The following TP63 variants were observed in gnomAD, a reference collection of about 807,000 sequenced individuals.
TP63 encodes the protein tumor protein p63, also known as tumor protein 63.
Under a neutral mutation model 82.8 loss-of-function variants are expected in TP63, and 17 were observed. The ratio of observed to expected loss-of-function variants is 0.21; its 90% CI spans 0.14 to 0.31. TP63 has a LOEUF of 0.31. Ranked by LOEUF, TP63 falls within the 10% of genes least tolerant of loss-of-function variation. The probability of loss-of-function intolerance (pLI) is 1.00; values close to 1 mark genes in which losing one functional copy is unlikely to be tolerated. For synonymous variants in TP63, 330 were observed against 321.7 expected, an observed-to-expected ratio of 1.03 and a Z score of -0.28; for missense variants, 648 against 895.3, an observed-to-expected ratio of 0.72 and a Z score of 3.52.
chr3:189,796,166 G>A (rs1488665396), intron 3 of TP63, among the ~76,000 whole-genome samples: 1 of 151,874 alleles, frequency 6.6e-6, no homozygotes, highest in African/African-American at 2.4e-5. Flanking sequence ...AGAGCAGAGG[G>A]AAATATGAAT....
chr3:189,692,868 G>A (rs1440442852), intron 1 of TP63, among the ~76,000 whole-genome samples: 1 of 152,114 alleles, frequency 6.6e-6, no homozygotes, highest in Admixed American at 6.5e-5. Context: ...GATCTAGCAT[G>A]GATTAAATCA....
chr3:189,637,969 A>G (rs74991129), intron 1 of TP63, among the ~76,000 whole-genome samples: 2,055 of 152,208 alleles, frequency 0.014, 25 homozygotes, highest in East Asian at 0.045. Context: ...GCTGGTTTTG[A>G]AAGTGGAAGT....
intron 1 of TP63, among the ~76,000 whole-genome samples, chr3:189,691,781 T>TTTTCTGTTGTTGTCCTTTGGG (rs1453278524): frequency 3.4e-4 from 52 of 152,320 alleles, no homozygotes; most frequent in Admixed American, 9.2e-4. Flanking sequence ...TCTCTTTTGT[T>TTTTCTGTTGTTGTCCTTTGGG]TTTCTGTTGT....
chr3:189,684,635 T>TC (rs1221508773), intron 1 of TP63, among the ~76,000 whole-genome samples: 7 of 148,732 alleles, frequency 4.7e-5, no homozygotes, highest in African/African-American at 1.5e-4. Context: ...TTTCTTTCTT[T>TC]TTTTTTTTTT....
intron 1 of TP63, among the ~76,000 whole-genome samples, chr3:189,714,025 A>G (rs2108758342): frequency 1.3e-5 from 2 of 152,276 alleles, no homozygotes; most frequent in South Asian, 4.1e-4. Context: ...CACATCTGAA[A>G]CCTAAAAGCA....
intron 12 of TP63, 97 bp downstream of exon 12, chr3:189,889,581 A>G (rs966900351): frequency 7.1e-6 from 11 of 1,539,414 alleles, no homozygotes; most frequent in Non-Finnish European, 9.9e-6. Flanking sequence ...TTGGAAGGGA[A>G]GACAGCAGTC....
At chr3:189,874,690 T>A (rs576204955) in intron 10 of TP63, among the ~76,000 whole-genome samples, 1 of 152,242 alleles carries the variant, frequency 6.6e-6, no homozygotes, top group Non-Finnish European at 1.5e-5. Flanking sequence ...GCTAATCATA[T>A]GGATGTTTTG....
intron 1 of TP63, among the ~76,000 whole-genome samples, chr3:189,683,141 G>A (rs1206138165): frequency 6.6e-6 from 1 of 151,934 alleles, no homozygotes; most frequent in African/African-American, 2.4e-5. Context: ...CTTATTTTGT[G>A]GCTCAAACTC....
At position 189,818,933 on chromosome 3, in the gene TP63, T is replaced by C. The variant is rs189729531; in HGVS notation, c.579+10407T>C. Among the ~76,000 whole-genome samples, 12 of 152,346 alleles carry C rather than the reference T, an allele frequency of 7.9e-5. No homozygotes were observed. In the South Asian group the frequency reaches 1.7e-3, roughly 21 times the overall value. On this transcript the variant is annotated intron_variant, in intron 4 of 13. Transcript: ENST00000264731. Reference sequence around the variant, plus strand: ...AAGGAATTTGAGAACATGATTTATGTGTTAGACCCAGAGTTTGTCTTTAAA... The same window carrying C: ...AAGGAATTTGAGAACATGATTTATGCGTTAGACCCAGAGTTTGTCTTTAAA...
intron 1 of TP63, among the ~76,000 whole-genome samples, chr3:189,690,883 A>T (rs2108718673): frequency 1.3e-5 from 2 of 152,290 alleles, no homozygotes; most frequent in South Asian, 4.1e-4. Context: ...TGTCCTGAAG[A>T]TGCTTTTTTG....
At chr3:189,841,097 T>C (rs912289428) in intron 4 of TP63, among the ~76,000 whole-genome samples, 4 of 152,158 alleles carry the variant, frequency 2.6e-5, no homozygotes, top group African/African-American at 9.7e-5. Flanking sequence ...AGTATAATGA[T>C]TTGAACACGG....
chr3:189,815,688 G>A (rs1279979426), intron 4 of TP63, among the ~76,000 whole-genome samples: 2 of 152,044 alleles, frequency 1.3e-5, no homozygotes, highest in African/African-American at 4.8e-5. Flanking sequence ...CCTGTGCAAG[G>A]TGTTAATGGT....
intron 4 of TP63, among the ~76,000 whole-genome samples, chr3:189,815,080 T>C (rs139544594): frequency 6.6e-5 from 10 of 152,272 alleles, no homozygotes; most frequent in African/African-American, 1.9e-4. Context: ...GCATTTCTTC[T>C]CCCCCTTCTT....
At chr3:189,712,203 G>C (rs964182106) in intron 1 of TP63, among the ~76,000 whole-genome samples, 1 of 152,126 alleles carries the variant, frequency 6.6e-6, no homozygotes, top group Non-Finnish European at 1.5e-5. Flanking sequence ...AAACAGACAC[G>C]TAAACAACTA....
chr3:189,892,709 G>A (rs368904637), intron 13 of TP63, among the ~76,000 whole-genome samples: 8 of 152,090 alleles, frequency 5.3e-5, no homozygotes, highest in East Asian at 1.9e-4. Flanking sequence ...GGAAAATGGC[G>A]TGAACTTGGG....
intron 3 of TP63, 75 bp from the exon 4 acceptor site, chr3:189,808,197 C>T (rs149767941): frequency 0.032 from 51,632 of 1,612,044 alleles, 1,445 homozygotes; most frequent in Admixed American, 0.14. Context: ...ATGCATTCAC[C>T]CATGGATGCC....
At chr3:189,620,505 T>G in the TP63 span, among the ~76,000 whole-genome samples, 1 of 26,350 alleles carries the variant, frequency 3.8e-5, no homozygotes, top group African/African-American at 7.3e-5. Context: ...CAAGACTCCA[T>G]CAAAAAAAAA....
At chr3:189,636,140 A>G (rs553315733) in intron 1 of TP63, among the ~76,000 whole-genome samples, 1 of 152,140 alleles carries the variant, frequency 6.6e-6, no homozygotes, top group Non-Finnish European at 1.5e-5. Context: ...TTCAGTCTCT[A>G]ATGAATAAGC....
At chr3:189,765,657 T>A (rs969061644) in intron 3 of TP63, among the ~76,000 whole-genome samples, 7 of 151,684 alleles carry the variant, frequency 4.6e-5, no homozygotes, top group African/African-American at 1.7e-4. Flanking sequence ...ATGGTCTCGA[T>A]CTCCTGACCT....
Sources: gnomAD v4.1 joint callset for allele counts (sites outside exome capture counted in the v4.1 genomes callset) on GRCh38, gnomAD v4.1.1 for gene constraint, MANE v1.5 for transcripts, NCBI Gene and HGNC (gene_info 2026-07-23, HGNC 2026-07-21) for gene names.